The following PPP1R13B variants were observed in gnomAD, a reference collection of about 807,000 sequenced individuals.
PPP1R13B encodes apoptosis-stimulating of p53 protein 1.
In PPP1R13B, 44 loss-of-function variants were observed where a neutral mutation model predicts 119.8. The observed-to-expected ratio is 0.37, with a 90% CI of 0.29 to 0.47. The LOEUF (loss-of-function observed/expected upper bound fraction) is 0.47, where lower values mean the gene tolerates loss of function less well. PPP1R13B is among the 20% of genes least tolerant of loss of function. PPP1R13B has a pLI of 0.99. For synonymous variants in PPP1R13B, 542 were observed against 561.5 expected, an observed-to-expected ratio of 0.97 and a Z score of 0.49; for missense variants, 1,227 against 1,413.5, an observed-to-expected ratio of 0.87 and a Z score of 2.12.
intron 2 of PPP1R13B, among the ~76,000 whole-genome samples, chr14:103,786,531 A>AAGGTGGGCAGATCACCCG (rs1331912145): frequency 1.6e-4 from 24 of 151,952 alleles, no homozygotes; most frequent in African/African-American, 4.4e-4. Context: ...TTGGGAGGCC[A>AAGGTGGGCAGATCACCCG]AGGTGGGCAG....
intron 4 of PPP1R13B, among the ~76,000 whole-genome samples, chr14:103,776,871 C>CAAA (rs202043897): frequency 9.8e-6 from 1 of 101,756 alleles, no homozygotes; most frequent in Non-Finnish European, 2.1e-5. Flanking sequence ...GACTCTGCCT[C>CAAA]AAAAAAAAAA....
At chr14:103,735,287 C>G in intron 16 of PPP1R13B, 92 bp from the exon 17 acceptor site, 1 of 1,278,022 alleles carries the variant, frequency 7.8e-7, no homozygotes. Flanking sequence ...CTCAGCCACC[C>G]TGGACAGCCG....
chr14:103,814,282 G>A (rs1387912478), intron 1 of PPP1R13B, among the ~76,000 whole-genome samples: 2 of 152,150 alleles, frequency 1.3e-5, no homozygotes, highest in East Asian at 3.9e-4. Flanking sequence ...CTGGGAGGCC[G>A]AGCTTGCAGT....
intron 9 of PPP1R13B, 56 bp downstream of exon 9, chr14:103,746,317 A>G (rs1469203724): frequency 4.7e-6 from 1 of 214,586 alleles, no homozygotes; most frequent in Non-Finnish European, 8.4e-6. Context: ...CCTCCACCGC[A>G]GGCCCCATTC....
intron 1 of PPP1R13B, among the ~76,000 whole-genome samples, chr14:103,809,350 C>G (rs924660742): frequency 2.0e-5 from 3 of 152,088 alleles, no homozygotes; most frequent in Non-Finnish European, 4.4e-5. Context: ...GCATTATTTA[C>G]TTAGTATATA....
chr14:103,784,660 G>C (rs1378657392), intron 3 of PPP1R13B, 135 bp downstream of exon 3: 2 of 696,168 alleles, frequency 2.9e-6, no homozygotes, highest in Admixed American at 3.8e-5. Context: ...AAGTAACATG[G>C]GATACCAACT....
chr14:103,747,480 G>A (rs1158351534), intron 8 of PPP1R13B: 2 of 152,016 alleles, frequency 1.3e-5, no homozygotes, highest in Non-Finnish European at 2.9e-5. Context: ...AATACCAGAC[G>A]ACATGTTGCT....
At chr14:103,841,552 T>A (rs2086909265) in intron 1 of PPP1R13B, among the ~76,000 whole-genome samples, 1 of 151,770 alleles carries the variant, frequency 6.6e-6, no homozygotes, top group Non-Finnish European at 1.5e-5. Flanking sequence ...ATCACACCAC[T>A]GCACTCCAGC....
In PPP1R13B at chr14:103,742,878, C is replaced by T. The variant is rs1438694974; in HGVS notation, c.1151-55G>A. Reference sequence around the variant, plus strand: ...CTTTTCTCAATGTAGTTGAACCAACCTAAGAATAACACTCTGCCAGAAACA... The same window carrying T: ...CTTTTCTCAATGTAGTTGAACCAACTTAAGAATAACACTCTGCCAGAAACA... On this transcript the variant is annotated intron_variant, in intron 9 of 16. Transcript: ENST00000202556. This position sits in a 1 kb window ranked among gnomAD's most constrained non-coding sequence, Gnocchi z 4.9. The T allele has an allele frequency of 9.5e-6, 15 of 1,585,890 alleles. No individual in the cohort carries two copies. Among genetic ancestry groups the T allele is most frequent in the Non-Finnish European group, 1.3e-5 (15 of 1,160,002 alleles).
chr14:103,770,730 G>A (rs1294214009), intron 4 of PPP1R13B, among the ~76,000 whole-genome samples: 1 of 152,128 alleles, frequency 6.6e-6, no homozygotes, highest in East Asian at 1.9e-4. Flanking sequence ...AGGACACCCT[G>A]TATCACACTC....
intron 2 of PPP1R13B, among the ~76,000 whole-genome samples, chr14:103,786,771 A>AAAAG (rs2085473586): frequency 6.7e-6 from 1 of 149,444 alleles, no homozygotes; most frequent in Non-Finnish European, 1.5e-5. Context: ...TGTCTCAAAA[A>AAAAG]AAAAAAAAAA....
chr14:103,754,092 G>A lies in PPP1R13B; in HGVS notation c.609C>T (p.Ser203=). Residue 203 remains serine, a synonymous_variant, in exon 6 of 17, where the codon AGC becomes AGT. Transcript: ENST00000202556. ...TACACAGATTGCCGTTCATGATTTT[G>A]CTGTAGTCGACTTGTCCTCTCATTG... ...IRAMRGQVDY[S]KIMNGNLSAE... is the part of the protein sequence containing the mutation. The A allele has an allele frequency of 1.2e-6, 2 of 1,613,958 alleles. No homozygotes were observed. The highest frequency in any genetic ancestry group is 3.3e-5 in the Admixed American group (2 of 59,990).
chr14:103,815,726 G>A (rs943205855), intron 1 of PPP1R13B, among the ~76,000 whole-genome samples: 1 of 151,940 alleles, frequency 6.6e-6, no homozygotes, highest in Admixed American at 6.6e-5. Context: ...CTGCACTCCA[G>A]CCTGGGCAAC....
intron 4 of PPP1R13B, among the ~76,000 whole-genome samples, chr14:103,766,416 G>C (rs1292267480): frequency 6.6e-6 from 1 of 152,024 alleles, no homozygotes; most frequent in Non-Finnish European, 1.5e-5. Context: ...AGCAGTGCCA[G>C]GATCCTAGCC....
Position 103,847,381 on chromosome 14 carries a change from G to A in PPP1R13B, c.-74C>T. On this transcript the variant is annotated 5_prime_UTR_variant, in exon 1 of 17. Transcript: ENST00000202556. ...CGCGCCGAGCTGTGCCCACCGCTCC[G>A]GCCGCCTCCTAAGGCCGCGCTCCCG... The A allele has an allele frequency of 9.2e-7, 1 of 1,092,502 alleles. No individual in the cohort carries two copies. The highest frequency in any genetic ancestry group is 1.1e-6 in the Non-Finnish European group (1 of 897,270). The allele number at this position is 1,092,502 out of a possible 1,614,324, so 67.7% of individuals were successfully genotyped here.
chr14:103,761,274 T>TAAAA (rs59281762), intron 4 of PPP1R13B, among the ~76,000 whole-genome samples: 7 of 104,706 alleles, frequency 6.7e-5, no homozygotes, highest in Non-Finnish European at 1.1e-4. Context: ...ACCCTATATT[T>TAAAA]AAAAAAAAAA....
Position 103,735,264 on chromosome 14 carries a change from C to T in PPP1R13B, c.3232-69G>A, listed in dbSNP as rs575930382. 6 of 1,522,508 alleles carry T rather than the reference C, an allele frequency of 3.9e-6. No homozygotes were observed. The South Asian group carries it at 4.5e-5, about 11-fold the overall frequency. 94.3% of individuals were successfully genotyped at this position (1,522,508 alleles called of 1,614,324 possible). A position where few individuals can be genotyped will look rare whatever the true frequency, so the allele number is the denominator to read the frequency against. ...GGGAGCAGGGCCAGCCAGACCCGAC[C>T]CCTGCTCCTCACCTCAGCCACCCTG... On this transcript the variant is annotated intron_variant, in intron 16 of 16. Transcript: ENST00000202556.
chr14:103,824,171 G>C (rs898683825), intron 1 of PPP1R13B, among the ~76,000 whole-genome samples: 1 of 145,834 alleles, frequency 6.9e-6, no homozygotes, highest in African/African-American at 2.5e-5. Context: ...TCAGCCTCCC[G>C]AGTAGCTGGG....
Position 103,740,376 on chromosome 14 carries a change from A to G in PPP1R13B, c.2040T>C (p.His680=). The part of the protein sequence containing the change: ...LSPTKLTPIV[H]SPLRYQSDAD... The stretch of plus-strand genomic sequence containing the variant: ...CATCACTCTGGTAGCGCAGTGGCGA[A>G]TGCACGATGGGCGTGAGCTTGGTGG... Residue 680 remains histidine (H), a synonymous_variant, in exon 12 of 17, where the codon CAT becomes CAC. Coordinates refer to ENST00000202556, the MANE Select transcript of PPP1R13B (RefSeq NM_015316.3). The surrounding 1 kb of genome is among the most constrained non-coding windows in gnomAD (Gnocchi z 4.6). 1 of 1,568,432 alleles carries G rather than the reference A, an allele frequency of 6.4e-7. No homozygotes were observed. Among genetic ancestry groups the G allele is most frequent in the Middle Eastern group, 1.7e-4 (1 of 5,822 alleles).
Sources: allele counts gnomAD v4.1 joint callset (sites outside exome capture counted in the v4.1 genomes callset), GRCh38; gene constraint gnomAD v4.1.1; non-coding constraint Gnocchi (gnomAD v3.1); transcripts MANE v1.5; gene names NCBI Gene and HGNC (gene_info 2026-07-23, HGNC 2026-07-21).